Variants in UBR3 observed in about 807,000 individuals in gnomAD.
UBR3 encodes E3 ubiquitin-protein ligase UBR3.
Under a neutral mutation model 243.2 loss-of-function variants are expected in UBR3, and 85 were observed. The observed-to-expected ratio is 0.35, with a 90% CI of 0.29 to 0.42. The LOEUF is 0.42. UBR3 is among the 10% of genes least tolerant of loss of function. UBR3 has a pLI of 1.00. For missense variants in UBR3, 1,686 were observed against 2,300.8 expected (o/e 0.73, Z 5.47); for synonymous variants, 748 against 799.8 (o/e 0.94, Z 1.09).
intron 1 of UBR3, among the ~76,000 whole-genome samples, chr2:169,865,713 G>A (rs958394183): frequency 2.0e-4 from 30 of 152,112 alleles, no homozygotes; most frequent in African/African-American, 7.2e-4. Context: ...GCCCAATTAT[G>A]TTTTCCTATT....
At chr2:169,948,540 C>T (rs2086876508) in intron 22 of UBR3, among the ~76,000 whole-genome samples, 1 of 151,974 alleles carries the variant, frequency 6.6e-6, no homozygotes, top group African/African-American at 2.4e-5. Flanking sequence ...CCTAGATTTT[C>T]GTGAGTAGAG....
At chr2:169,880,005 A>C (rs1390938706) in intron 5 of UBR3, among the ~76,000 whole-genome samples, 1 of 152,200 alleles carries the variant, frequency 6.6e-6, no homozygotes, top group African/African-American at 2.4e-5. Flanking sequence ...CAAAGAAGGA[A>C]GTAATTGGTA....
rs1350623552 is a variant in UBR3, at chr2:170,033,589, C to G, written c.4556+4141C>G. Among the ~76,000 whole-genome samples, 6 of 121,198 alleles carry G rather than the reference C, an allele frequency of 5.0e-5. 1 individual carries two copies. The highest frequency in any genetic ancestry group is 5.8e-4 in the East Asian group (2 of 3,456). The allele number at this position is 121,198 out of a possible 152,430, so 79.5% of individuals were successfully genotyped here. On this transcript the variant is annotated intron_variant, in intron 31 of 38. Transcript: ENST00000272793. ...TTGGTTTTTCCACACCCACCCCCCC[C>G]CCCCCCAATATTTGCTCTCATTTTT...
intron 13 of UBR3, among the ~76,000 whole-genome samples, chr2:169,924,850 T>C (rs1185713647): frequency 6.6e-6 from 1 of 152,064 alleles, no homozygotes; most frequent in Non-Finnish European, 1.5e-5. Context: ...CTGGCCAACA[T>C]GGTGAAACCT....
At chr2:169,984,945 A>G (rs144306219) in intron 24 of UBR3, among the ~76,000 whole-genome samples, 4 of 152,262 alleles carry the variant, frequency 2.6e-5, no homozygotes, top group African/African-American at 9.6e-5. Flanking sequence ...ATGACTTAGC[A>G]GCATCTTGGA....
chr2:169,964,827 A>C (rs1474913348), intron 24 of UBR3: 1 of 456,230 alleles, frequency 2.2e-6, no homozygotes, highest in Admixed American at 2.4e-5. Flanking sequence ...CTCTTTTGGC[A>C]GTAGCCAGGG....
At chr2:169,863,860 G>A (rs114268771) in intron 1 of UBR3, among the ~76,000 whole-genome samples, 8 of 152,096 alleles carry the variant, frequency 5.3e-5, no homozygotes, top group South Asian at 2.1e-4. Flanking sequence ...CTAAACACAC[G>A]AAGTAAAAAT....
At chr2:169,903,452 G>C (rs2084904088) in intron 8 of UBR3, among the ~76,000 whole-genome samples, 1 of 152,182 alleles carries the variant, frequency 6.6e-6, no homozygotes, top group Admixed American at 6.5e-5. Context: ...CCAGGGGTTA[G>C]TATAAATAAT....
chr2:170,061,500 C>G (rs1251033988), intron 35 of UBR3, 57 bp downstream of exon 35: 3 of 1,587,636 alleles, frequency 1.9e-6, no homozygotes, highest in Non-Finnish European at 1.7e-6. Context: ...TGGAGTCTCT[C>G]TCTGTTGCCC....
intron 6 of UBR3, among the ~76,000 whole-genome samples, chr2:169,894,697 G>A (rs2084514251): frequency 6.6e-6 from 1 of 152,180 alleles, no homozygotes; most frequent in South Asian, 2.1e-4. Flanking sequence ...AGCTGGGGTA[G>A]TGTTAATTGA....
intron 3 of UBR3, among the ~76,000 whole-genome samples, chr2:169,876,389 C>T (rs1271514352): frequency 4.6e-5 from 7 of 151,984 alleles, no homozygotes; most frequent in African/African-American, 1.7e-4. Flanking sequence ...AAGAGAACTT[C>T]TTGTTTTATG....
intron 35 of UBR3, among the ~76,000 whole-genome samples, chr2:170,067,703 T>A (rs1163077604): frequency 6.6e-6 from 1 of 151,930 alleles, no homozygotes; most frequent in Non-Finnish European, 1.5e-5. Flanking sequence ...TAGAAAATCA[T>A]CAAATCTGTG....
intron 23 of UBR3, among the ~76,000 whole-genome samples, chr2:169,955,567 G>A (rs2087242720): frequency 6.6e-6 from 1 of 151,900 alleles, no homozygotes; most frequent in Non-Finnish European, 1.5e-5. Context: ...GCTGAGGCGG[G>A]CAGATCACCT....
chr2:169,874,158 C>CA (rs998601279), intron 2 of UBR3, among the ~76,000 whole-genome samples: 1 of 147,754 alleles, frequency 6.8e-6, no homozygotes, highest in Non-Finnish European at 1.5e-5. Context: ...TCTGTCTGTG[C>CA]AAAAAAAATT....
intron 5 of UBR3, among the ~76,000 whole-genome samples, chr2:169,881,204 G>A (rs934394053): frequency 1.8e-4 from 27 of 151,916 alleles, no homozygotes; most frequent in African/African-American, 6.3e-4. Flanking sequence ...TTTTGAGATA[G>A]AGTCTTGCTA....
chr2:169,997,204 T>C (rs1222260567), intron 26 of UBR3, among the ~76,000 whole-genome samples: 1 of 152,214 alleles, frequency 6.6e-6, no homozygotes, highest in Admixed American at 6.5e-5. Flanking sequence ...GAAACCTCTG[T>C]GGCTGGTGGC....
chr2:169,828,167 G>C (rs1263815854), intron 1 of UBR3, 115 bp downstream of exon 1: 1 of 1,252,694 alleles, frequency 8.0e-7, no homozygotes, highest in Non-Finnish European at 1.0e-6. Flanking sequence ...GTGCGGGGGA[G>C]GGTGCAGCCA....
In UBR3 at chr2:169,933,019, C is replaced by A; in HGVS notation, c.2663+11C>A. On this transcript the variant is annotated intron_variant, in intron 19 of 38. Coordinates refer to ENST00000272793, the MANE Select transcript of UBR3 (RefSeq NM_172070.4). Reference sequence around the variant, plus strand: ...CAGATATACTGCATTGTAAGTCCATCAAATTGATTAGCATCATAACAGTAT... The same window carrying A: ...CAGATATACTGCATTGTAAGTCCATAAAATTGATTAGCATCATAACAGTAT... 6.7e-7 allele frequency: 1 copy of A among 1,498,462 alleles called. No individual in the cohort carries two copies. The highest frequency in any genetic ancestry group is 8.9e-7 in the Non-Finnish European group (1 of 1,123,886). The allele number at this position is 1,498,462 out of a possible 1,614,324, so 92.8% of individuals were successfully genotyped here. A position where few individuals can be genotyped will look rare whatever the true frequency, so the allele number is the denominator to read the frequency against.
At position 169,947,540 on chromosome 2, in the gene UBR3, A is replaced by G; in HGVS notation, c.2911-2A>G. The stretch of plus-strand genomic sequence containing the variant: ...TGATATTCATTTTTTTTTTTATTTT[A>G]GGCATCAGTGGGTGGACCAGAACGT... On this transcript the variant is annotated splice_acceptor_variant, in intron 21 of 38. Coordinates refer to ENST00000272793, the MANE Select transcript of UBR3 (RefSeq NM_172070.4). LOFTEE classifies it high-confidence loss of function. 1.4e-6 allele frequency: 2 copies of G among 1,444,156 alleles called. No homozygotes were observed. Among genetic ancestry groups the G allele is most frequent in the Non-Finnish European group, 1.8e-6 (2 of 1,095,354 alleles). The allele number at this position is 1,444,156 out of a possible 1,614,324, so 89.5% of individuals were successfully genotyped here.
Sources: gnomAD v4.1 joint callset for allele counts (sites outside exome capture counted in the v4.1 genomes callset) on GRCh38, gnomAD v4.1.1 for gene constraint, MANE v1.5 for transcripts, NCBI Gene and HGNC (gene_info 2026-07-23, HGNC 2026-07-21) for gene names.